The following COA1 variants were observed in gnomAD, a reference collection of about 807,000 sequenced individuals.
COA1 encodes the protein cytochrome c oxidase assembly factor 1.
A neutral mutation model predicts 16.0 loss-of-function variants in COA1; 13 were observed. The observed-to-expected ratio is 0.81, with a 90% CI of 0.53 to 1.29. The LOEUF (loss-of-function observed/expected upper bound fraction) is 1.29, where lower values mean the gene tolerates loss of function less well. Ranked by LOEUF, COA1 falls within the 50% of genes most tolerant of loss-of-function variation. COA1 has a pLI of 0.00. For synonymous variants in COA1, 65 were observed against 65.7 expected (o/e 0.99, Z 0.05); for missense variants, 179 against 177.0 (o/e 1.01, Z -0.06).
chr7:43,689,666 T>G (rs567357358), intron 1 of COA1, among the ~76,000 whole-genome samples: 5 of 152,320 alleles, frequency 3.3e-5, no homozygotes, highest in African/African-American at 9.6e-5. Context: ...TCTTTAAAAG[T>G]TAATGACTAA....
intron 1 of COA1, among the ~76,000 whole-genome samples, chr7:43,694,258 TAAA>T (rs147164915): frequency 7.2e-6 from 1 of 139,208 alleles, no homozygotes; most frequent in Non-Finnish European, 1.6e-5. Context: ...CTCCCATCTT[TAAA>T]AAAAAAAAAA....
rs1278136427 is a variant in COA1 at position 43,644,696 on chromosome 7, TATAGATAGATAGATTAGATAG to T, written c.264+534_264+554del. Among the ~76,000 whole-genome samples, 128 of 102,214 alleles carry T rather than the reference TATAGATAGATAGATTAGATAG, an allele frequency of 1.3e-3. 6 individuals carry two copies. Among genetic ancestry groups the T allele is most frequent in the Middle Eastern group, 5.4e-3 (1 of 184 alleles). The allele number at this position is 102,214 out of a possible 152,430, so 67.1% of individuals were successfully genotyped here. On this transcript the variant is annotated intron_variant, in intron 4 of 5. Transcript: ENST00000223336. The stretch of plus-strand genomic sequence containing the variant: ...TGTGCACTATCACGCCTGGCTAAAT[TATAGATAGATAGATTAGATAG>T]ATAGATAGATAGATAGATAGATAGA...
intron 1 of COA1, among the ~76,000 whole-genome samples, chr7:43,656,953 G>C (rs2091810365): frequency 6.6e-6 from 1 of 152,168 alleles, no homozygotes; most frequent in Non-Finnish European, 1.5e-5. Flanking sequence ...CCAGCACTTT[G>C]GGAGTCCAAG....
At chr7:43,645,583 C>T in intron 3 of COA1, 184 bp from the exon 4 acceptor site, 1 of 582,088 alleles carries the variant, frequency 1.7e-6, no homozygotes, top group Non-Finnish European at 3.0e-6. Flanking sequence ...AACCAAAGCA[C>T]AGGCAGGCAG....
intron 1 of COA1, among the ~76,000 whole-genome samples, chr7:43,702,741 G>C (rs551321572): frequency 6.6e-6 from 1 of 152,032 alleles, no homozygotes; most frequent in East Asian, 1.9e-4. Context: ...TGTTTATTTG[G>C]ATTTTCTCTT....
At chr7:43,611,688 C>A (rs1293785137) in intron 6 of COA1, among the ~76,000 whole-genome samples, 1 of 152,136 alleles carries the variant, frequency 6.6e-6, no homozygotes, top group African/African-American at 2.4e-5. Flanking sequence ...TAAGTATTAG[C>A]CATGCAGAGG....
At chr7:43,636,104 C>T (rs548677576), downstream of COA1, among the ~76,000 whole-genome samples, 34 of 152,292 alleles carry the variant, frequency 2.2e-4, no homozygotes, top group East Asian at 2.5e-3. Context: ...GATTTCACTT[C>T]GGCACCCAAC....
intron 3 of COA1, chr7:43,645,734 G>A (rs1052998916): frequency 1.4e-5 from 3 of 211,052 alleles, no homozygotes; most frequent in African/African-American, 6.9e-5. Flanking sequence ...TTCCTCTCAA[G>A]TCTCTAAGTT....
At chr7:43,677,734 G>A (rs2093597852) in intron 1 of COA1, among the ~76,000 whole-genome samples, 1 of 149,350 alleles carries the variant, frequency 6.7e-6, no homozygotes, top group Non-Finnish European at 1.5e-5. Context: ...AGGAGAAGGA[G>A]GTTGCAGTGA....
chr7:43,657,827 C>A (rs1297464898), intron 1 of COA1, among the ~76,000 whole-genome samples: 1 of 152,070 alleles, frequency 6.6e-6, no homozygotes, highest in East Asian at 1.9e-4. Flanking sequence ...AAATGAACAA[C>A]TTAATTTGAA....
At chr7:43,637,774 A>G (rs1384792707), downstream of COA1, among the ~76,000 whole-genome samples, 1 of 152,224 alleles carries the variant, frequency 6.6e-6, no homozygotes, top group Non-Finnish European at 1.5e-5. Flanking sequence ...ACATAATACT[A>G]TTTCCTATCA....
At chr7:43,611,890 A>G (rs2082910989) in intron 6 of COA1, among the ~76,000 whole-genome samples, 1 of 152,222 alleles carries the variant, frequency 6.6e-6, no homozygotes, top group South Asian at 2.1e-4. Context: ...ATGACAGTTG[A>G]ACCTGTGACT....
chr7:43,610,214 G>A (rs1419436222), intron 6 of COA1, among the ~76,000 whole-genome samples: 2 of 152,094 alleles, frequency 1.3e-5, no homozygotes. Context: ...AGGCATGGTG[G>A]TGGGTGCCTG....
intron 1 of COA1, among the ~76,000 whole-genome samples, chr7:43,719,892 A>G (rs1359652009): frequency 6.6e-6 from 1 of 152,224 alleles, no homozygotes; most frequent in Non-Finnish European, 1.5e-5. Flanking sequence ...AGATGAGACT[A>G]TAACAGAAAG....
intron 1 of COA1, among the ~76,000 whole-genome samples, chr7:43,661,004 G>T (rs1306529775): frequency 6.7e-6 from 1 of 149,948 alleles, no homozygotes; most frequent in Non-Finnish European, 1.5e-5. Context: ...CATGGTAAGT[G>T]CCACAGGCCC....
intron 6 of COA1, chr7:43,622,702 TTTG>T (rs1461521680): frequency 9.4e-5 from 5 of 53,236 alleles, no homozygotes; most frequent in African/African-American, 1.8e-4. Context: ...GTTTTTTGTT[TTTG>T]TTTTTTTTTT....
chr7:43,699,477 A>AT (rs1335497779), intron 1 of COA1, among the ~76,000 whole-genome samples: 2 of 152,190 alleles, frequency 1.3e-5, no homozygotes, highest in Non-Finnish European at 2.9e-5. Context: ...TTTAAGTACT[A>AT]ATTAGCAAAG....
chr7:43,691,278 AAAGAAAGAAAGAAAG>A (rs2094292353), intron 1 of COA1, among the ~76,000 whole-genome samples: 13 of 34,900 alleles, frequency 3.7e-4, no homozygotes, highest in East Asian at 7.1e-4. Context: ...AGAAAGAAAG[AAAGAAAGAAAGAAAG>A]AAAGAAAGAA....
At chr7:43,669,622 A>G (rs1483735728) in intron 1 of COA1, among the ~76,000 whole-genome samples, 1 of 152,074 alleles carries the variant, frequency 6.6e-6, no homozygotes, top group Non-Finnish European at 1.5e-5. Flanking sequence ...TAGCCTCCTC[A>G]TATAAGCAGC....
Sources: gnomAD v4.1 joint callset for allele counts (sites outside exome capture counted in the v4.1 genomes callset) on GRCh38, gnomAD v4.1.1 for gene constraint, MANE v1.5 for transcripts, NCBI Gene and HGNC (gene_info 2026-07-23, HGNC 2026-07-21) for gene names.